The following LSP1 variants were observed in gnomAD, a reference collection of about 807,000 sequenced individuals.
The protein encoded by LSP1 is lymphocyte-specific protein 1.
In LSP1, 32 loss-of-function variants were observed where a neutral mutation model predicts 49.3. That is an observed-to-expected ratio of 0.65 (90% CI 0.49 to 0.87). The LOEUF (loss-of-function observed/expected upper bound fraction) is 0.87, where lower values mean the gene tolerates loss of function less well. Ranked by LOEUF, LSP1 falls within the 40% of genes least tolerant of loss-of-function variation. The pLI, the probability that LSP1 is intolerant of heterozygous loss-of-function variation, is 0.00. For synonymous variants in LSP1, 179 were observed against 178.8 expected, an observed-to-expected ratio of 1.00 and a Z score of -0.01; for missense variants, 428 against 442.6, an observed-to-expected ratio of 0.97 and a Z score of 0.30.
intron 1 of LSP1, among the ~76,000 whole-genome samples, chr11:1,874,844 A>AG (rs943733921): frequency 6.6e-6 from 1 of 152,160 alleles, no homozygotes; most frequent in African/African-American, 2.4e-5. Flanking sequence ...TGAGGAAACA[A>AG]GGAGAGGCCC....
At chr11:1,873,319 C>T (rs1356873672) in intron 1 of LSP1, among the ~76,000 whole-genome samples, 1 of 152,162 alleles carries the variant, frequency 6.6e-6, no homozygotes, top group Non-Finnish European at 1.5e-5. Context: ...TCAGAGCAGG[C>T]ACAGGAGCCC....
In LSP1 at chr11:1,853,155, C is replaced by A; in HGVS notation, c.11C>A (p.Ala4Asp). 6.2e-7 allele frequency: 1 copy of A among 1,611,288 alleles called. No individual in the cohort carries two copies. Among genetic ancestry groups the A allele is most frequent in the Non-Finnish European group, 8.5e-7 (1 of 1,179,290 alleles). The change falls in exon 1 of 11, where the codon GCT (alanine) becomes GAT (aspartate). Residue 4 changes from alanine (A) to aspartate (D), a missense_variant. By Grantham distance (126) the Ala-to-Asp change is moderately radical. Transcript: ENST00000311604. MAE[A>D]SSDPGAEERE... is the part of the protein sequence containing the mutation. Reference sequence around the variant, plus strand: ...CCAGACTACAGGCTGATGGCGGAGGCTTCGAGTGACCCGGGTGCCGAGGAG... The same window carrying A: ...CCAGACTACAGGCTGATGGCGGAGGATTCGAGTGACCCGGGTGCCGAGGAG...
At chr11:1,867,865 C>G (rs1374966817) in intron 1 of LSP1, among the ~76,000 whole-genome samples, 1 of 151,230 alleles carries the variant, frequency 6.6e-6, no homozygotes, top group Non-Finnish European at 1.5e-5. Flanking sequence ...TTGTCTACAC[C>G]CAGTGCAAGC....
chr11:1,885,012 G>T (rs969028605), intron 7 of LSP1, among the ~76,000 whole-genome samples: 31 of 151,152 alleles, frequency 2.1e-4, no homozygotes, highest in African/African-American at 7.1e-4. Context: ...TATTCCTCCA[G>T]TCAATCAATC....
At chr11:1,864,303 GC>G (rs1275205722) in intron 1 of LSP1, 2 of 962,572 alleles carry the variant, frequency 2.1e-6, no homozygotes, top group Non-Finnish European at 2.5e-6. Flanking sequence ...ACAGAGGAGG[GC>G]CCGGGCAGGG....
At chr11:1,854,083 C>G (rs1474876389) in intron 1 of LSP1, among the ~76,000 whole-genome samples, 1 of 152,066 alleles carries the variant, frequency 6.6e-6, no homozygotes, top group Non-Finnish European at 1.5e-5. Flanking sequence ...TGGGAGGGCT[C>G]AGGGCGTGCG....
chr11:1,881,512 G>A lies in LSP1; in HGVS notation c.272G>A (p.Arg91Gln), dbSNP rs771507322. The change falls in exon 3 of 11, where the codon CGG becomes CAG. Residue 91 changes from arginine to glutamine, a missense_variant. Arg to Gln is a conservative substitution (Grantham distance 43). Coordinates refer to ENST00000311604, the MANE Select transcript of LSP1 (RefSeq NM_002339.3). The stretch of plus-strand genomic sequence containing the variant: ...GACTGGTCCCAGAGGCCAGAGCAGC[G>A]GCAGCAGCACGAGGGGGCGCAGGGC... The part of the protein sequence containing the change: ...FGDWSQRPEQ[R>Q]QQHEGAQGAL... The A allele has an allele frequency of 1.7e-5, 26 of 1,567,512 alleles. No individual in the cohort carries two copies. Among genetic ancestry groups the A allele is most frequent in the Non-Finnish European group, 2.1e-5 (24 of 1,155,688 alleles).
intron 1 of LSP1, chr11:1,863,340 GGTGGCT>G (rs1436007471): frequency 6.6e-6 from 1 of 152,336 alleles, no homozygotes; most frequent in Non-Finnish European, 1.5e-5. Flanking sequence ...GGAGGCAAGA[GGTGGCT>G]GTTCTCCTTG....
intron 3 of LSP1, among the ~76,000 whole-genome samples, chr11:1,882,795 A>G (rs902449434): frequency 3.9e-5 from 6 of 152,154 alleles, no homozygotes; most frequent in African/African-American, 1.4e-4. Context: ...ACGCACACCC[A>G]GGGGCCTGAA....
At position 1,890,661 on chromosome 11, in the gene LSP1, G is replaced by A. The variant is rs11041696; in HGVS notation, c.*14-1112G>A. The A allele has an allele frequency of 2.4e-3, 1,568 of 649,340 alleles. 5 individuals carry two copies. Among genetic ancestry groups the A allele is most frequent in the Middle Eastern group, 4.4e-3 (11 of 2,488 alleles). The allele number at this position is 649,340 out of a possible 1,614,324, so 40.2% of individuals were successfully genotyped here. A position where few individuals can be genotyped will look rare whatever the true frequency, so the allele number is the denominator to read the frequency against. On this transcript the variant is annotated intron_variant, in intron 10 of 10. Coordinates refer to ENST00000311604, the MANE Select transcript of LSP1 (RefSeq NM_002339.3). ...CTGAGGTGGGAGGCCTGTGTCTCCTGTGGTCCAAGGAGGACCTGGGGCCAG... is the reference window on the plus strand; with the variant it reads ...CTGAGGTGGGAGGCCTGTGTCTCCTATGGTCCAAGGAGGACCTGGGGCCAG...
intron 1 of LSP1, among the ~76,000 whole-genome samples, chr11:1,860,606 G>T (rs985481727): frequency 6.6e-6 from 1 of 152,172 alleles, no homozygotes; most frequent in African/African-American, 2.4e-5. Flanking sequence ...GTGATATTTA[G>T]AATATTTAAC....
intron 1 of LSP1, among the ~76,000 whole-genome samples, chr11:1,874,769 T>C (rs958522958): frequency 1.3e-5 from 2 of 152,088 alleles, no homozygotes; most frequent in Admixed American, 1.3e-4. Context: ...GCTCCTTGGC[T>C]TTGGGGGCTC....
intron 1 of LSP1, chr11:1,859,504 G>C (rs1453351665): frequency 1.3e-5 from 2 of 154,622 alleles, no homozygotes; most frequent in Non-Finnish European, 2.9e-5. Context: ...CTGAGGCAAG[G>C]CTGCCTCCTC....
chr11:1,855,931 G>A (rs978436699), intron 1 of LSP1, among the ~76,000 whole-genome samples: 3 of 152,204 alleles, frequency 2.0e-5, no homozygotes, highest in Non-Finnish European at 2.9e-5. Context: ...TCCACAGCTG[G>A]GGAGGGTCAG....
rs569615130 is a variant in LSP1 at position 1,886,954 on chromosome 11, A to G, written c.852+88A>G. 10 of 1,501,550 alleles carry G rather than the reference A, an allele frequency of 6.7e-6. No homozygotes were observed. In the African/African-American group the frequency reaches 9.6e-5, roughly 14 times the overall value. The allele number at this position is 1,501,550 out of a possible 1,614,324, so 93.0% of individuals were successfully genotyped here. A position where few individuals can be genotyped will look rare whatever the true frequency, so the allele number is the denominator to read the frequency against. ...GCCGGGTTTCCTTGTTAAGACAAGC[A>G]TGGGACTGTCCAGGATGAATGTGGG... is the stretch of plus-strand genomic sequence containing the variant. On this transcript the variant is annotated intron_variant, in intron 8 of 10. Transcript: ENST00000311604.
intron 1 of LSP1, among the ~76,000 whole-genome samples, chr11:1,857,117 T>C (rs1221967329): frequency 3.9e-5 from 6 of 152,220 alleles, no homozygotes. Context: ...CAGAAGGATG[T>C]CTTCTTCCTC....
chr11:1,869,121 T>C, intron 1 of LSP1: 8 of 613,064 alleles, frequency 1.3e-5, no homozygotes, highest in East Asian at 1.2e-4. Context: ...GGTGAGGGGC[T>C]TGGCCCCTGC....
At chr11:1,875,189 C>T (rs1021568483) in intron 1 of LSP1, among the ~76,000 whole-genome samples, 52 of 148,960 alleles carry the variant, frequency 3.5e-4, no homozygotes, top group African/African-American at 8.8e-4. Flanking sequence ...AGGGAGGCTC[C>T]GCCCTCCCCC....
chr11:1,883,918 T>G lies in LSP1; in HGVS notation c.499-14T>G. The G allele has an allele frequency of 6.5e-7, 1 of 1,538,038 alleles. No individual in the cohort carries two copies. Among genetic ancestry groups the G allele is most frequent in the Non-Finnish European group, 8.8e-7 (1 of 1,139,638 alleles). ...GCAGGGGGTCACTTGGGATGTCTGT[T>G]TTTTTTTTTCTAGCACCAGAAATGT... On this transcript the variant is annotated splice_polypyrimidine_tract_variant and intron_variant, in intron 4 of 10. Coordinates refer to ENST00000311604, the MANE Select transcript of LSP1 (RefSeq NM_002339.3).
Sources: allele counts gnomAD v4.1 joint callset (sites outside exome capture counted in the v4.1 genomes callset), GRCh38; gene constraint gnomAD v4.1.1; transcripts MANE v1.5; gene names NCBI Gene and HGNC (gene_info 2026-07-23, HGNC 2026-07-21).